Variants in IQCM observed in about 807,000 individuals in gnomAD.
IQCM encodes the protein IQ domain-containing protein M.
In IQCM, 45 loss-of-function variants were observed where a neutral mutation model predicts 57.6. The ratio of observed to expected loss-of-function variants is 0.78; its 90% CI spans 0.62 to 1.00. The LOEUF (loss-of-function observed/expected upper bound fraction) is 1.00. Among genes scored for constraint, IQCM ranks in the 50% least tolerant of loss-of-function variants. The pLI is 0.00. For missense variants in IQCM, 468 were observed against 511.6 expected (o/e 0.91, Z 0.82); for synonymous variants, 148 against 158.9 (o/e 0.93, Z 0.51).
intron 12 of IQCM, among the ~76,000 whole-genome samples, chr4:149,436,934 C>T (rs1440900729): frequency 6.6e-6 from 1 of 152,112 alleles, no homozygotes; most frequent in African/African-American, 2.4e-5. Context: ...AGGTTATATA[C>T]ATTTGCTAAT....
intron 7 of IQCM, among the ~76,000 whole-genome samples, chr4:149,635,240 A>T (rs1757620447): frequency 6.6e-6 from 1 of 152,158 alleles, no homozygotes; most frequent in East Asian, 1.9e-4. Flanking sequence ...CTCCCAAGCA[A>T]CTCTCCAGAT....
intron 2 of IQCM, among the ~76,000 whole-genome samples, chr4:149,815,097 A>G (rs1382872819): frequency 1.3e-5 from 2 of 152,018 alleles, no homozygotes; most frequent in Non-Finnish European, 2.9e-5. Flanking sequence ...ACAGCTCAGT[A>G]TTAACATTAA....
chr4:149,383,392 C>G (rs1459546900), intron 13 of IQCM, among the ~76,000 whole-genome samples: 3 of 152,114 alleles, frequency 2.0e-5, no homozygotes, highest in Non-Finnish European at 4.4e-5. Flanking sequence ...TTCCGACAGG[C>G]ACTAAAACTG....
intron 12 of IQCM, among the ~76,000 whole-genome samples, chr4:149,518,071 T>G (rs1312100250): frequency 6.6e-6 from 1 of 152,320 alleles, no homozygotes; most frequent in East Asian, 1.9e-4. Flanking sequence ...GAGTCTCTGC[T>G]GGTGTCACAT....
intron 2 of IQCM, among the ~76,000 whole-genome samples, chr4:149,776,474 A>G (rs1184756382): frequency 6.6e-6 from 1 of 152,184 alleles, no homozygotes; most frequent in East Asian, 1.9e-4. Flanking sequence ...TTGCTGCATC[A>G]ATAACTGTAA....
intron 12 of IQCM, among the ~76,000 whole-genome samples, chr4:149,525,072 A>T (rs1474036627): frequency 6.6e-6 from 1 of 151,794 alleles, no homozygotes; most frequent in East Asian, 1.9e-4. Context: ...AATTTTACCT[A>T]ATCTTTAAGG....
At position 149,733,314 on chromosome 4, in the gene IQCM, T is replaced by C; in HGVS notation, c.315A>G (p.Arg105=). ...KSEHLQEPPQ[R]ISFKEPHIFS... ...AAATGTGTGGTTCCTTGAAGGAGAT[T>C]CGTTGTGGGGGTTCCTGAAGATGCT... Residue 105 remains arginine, a synonymous_variant, in exon 5 of 14, where the codon CGA becomes CGG. Coordinates refer to ENST00000636793, the MANE Select transcript of IQCM (RefSeq NM_001363507.2). 8.1e-7 allele frequency: 1 copy of C among 1,231,320 alleles called. No individual in the cohort carries two copies. Among genetic ancestry groups the C allele is most frequent in the Non-Finnish European group, 1.0e-6 (1 of 987,746 alleles). 76.3% of individuals were successfully genotyped at this position (1,231,320 alleles called of 1,614,324 possible).
chr4:149,812,174 G>C (rs148654970), intron 2 of IQCM, among the ~76,000 whole-genome samples: 27 of 152,120 alleles, frequency 1.8e-4, no homozygotes, highest in Non-Finnish European at 2.6e-4. Context: ...TTACTCCTTT[G>C]GGTGAACTGA....
At chr4:149,481,475 G>T (rs2149751151) in intron 12 of IQCM, among the ~76,000 whole-genome samples, 1 of 151,988 alleles carries the variant, frequency 6.6e-6, no homozygotes, top group Non-Finnish European at 1.5e-5. Flanking sequence ...TCTGCATATG[G>T]ATAACCAGTT....
intron 2 of IQCM, among the ~76,000 whole-genome samples, chr4:149,756,137 C>A (rs1265642705): frequency 6.6e-6 from 1 of 152,162 alleles, no homozygotes; most frequent in African/African-American, 2.4e-5. Flanking sequence ...CTTATATATT[C>A]ACTCCCTAGA....
At chr4:149,560,738 G>A (rs1750043211) in intron 10 of IQCM, among the ~76,000 whole-genome samples, 1 of 152,126 alleles carries the variant, frequency 6.6e-6, no homozygotes, top group African/African-American at 2.4e-5. Context: ...ATTTTTCATA[G>A]GGAATGGAAA....
chr4:149,549,068 G>T (rs1475727916), intron 11 of IQCM, among the ~76,000 whole-genome samples: 1 of 152,168 alleles, frequency 6.6e-6, no homozygotes, highest in South Asian at 2.1e-4. Context: ...TGGGAGCAAT[G>T]TCTACTTTTT....
chr4:149,756,981 G>C (rs963182598), intron 2 of IQCM, among the ~76,000 whole-genome samples: 8 of 152,204 alleles, frequency 5.3e-5, no homozygotes, highest in African/African-American at 1.7e-4. Context: ...ATAGATGGCC[G>C]GGTGTGGTGG....
intron 7 of IQCM, among the ~76,000 whole-genome samples, chr4:149,630,741 T>C (rs1359968828): frequency 1.3e-5 from 2 of 152,242 alleles, no homozygotes; most frequent in African/African-American, 4.8e-5. Context: ...TAAATGTTCA[T>C]ATTTTTTGTA....
intron 13 of IQCM, among the ~76,000 whole-genome samples, chr4:149,387,985 A>G (rs1386569320): frequency 2.6e-5 from 4 of 151,922 alleles, no homozygotes; most frequent in Non-Finnish European, 4.4e-5. Flanking sequence ...AACATTTTCA[A>G]GGTTTATTTA....
At chr4:149,692,321 C>T (rs1038640447) in intron 5 of IQCM, among the ~76,000 whole-genome samples, 3 of 152,164 alleles carry the variant, frequency 2.0e-5, no homozygotes, top group Non-Finnish European at 4.4e-5. Context: ...CGCAACCTTT[C>T]TTGTCTAATA....
intron 8 of IQCM, among the ~76,000 whole-genome samples, chr4:149,588,851 T>C (rs1752877638): frequency 6.6e-6 from 1 of 151,952 alleles, no homozygotes; most frequent in Non-Finnish European, 1.5e-5. Flanking sequence ...AGTTCTAACA[T>C]TCACAATGTC....
chr4:149,506,676 G>C (rs764607191), intron 12 of IQCM, among the ~76,000 whole-genome samples: 2 of 152,226 alleles, frequency 1.3e-5, no homozygotes, highest in Non-Finnish European at 2.9e-5. Flanking sequence ...GCTGGAGGTA[G>C]TAGTGTTTCT....
intron 13 of IQCM, among the ~76,000 whole-genome samples, chr4:149,424,148 A>G (rs1179551457): frequency 6.6e-6 from 1 of 151,890 alleles, no homozygotes; most frequent in Non-Finnish European, 1.5e-5. Flanking sequence ...AGCTTACAGA[A>G]CTATCAGAGA....
Sources: gnomAD v4.1 joint callset for allele counts (sites outside exome capture counted in the v4.1 genomes callset) on GRCh38, gnomAD v4.1.1 for gene constraint, MANE v1.5 for transcripts, NCBI Gene and HGNC (gene_info 2026-07-23, HGNC 2026-07-21) for gene names.